The following MAP4K3 variants were observed in gnomAD, a reference collection of about 807,000 sequenced individuals.
MAP4K3 encodes the protein mitogen-activated protein kinase kinase kinase kinase 3.
A neutral mutation model predicts 143.5 loss-of-function variants in MAP4K3; 94 were observed. That is an observed-to-expected ratio of 0.65 (90% CI 0.55 to 0.78). The LOEUF is 0.78. Among genes scored for constraint, MAP4K3 ranks in the 30% least tolerant of loss-of-function variants. MAP4K3 has a pLI of 0.00. For synonymous variants in MAP4K3, 416 were observed against 347.2 expected (o/e 1.20, Z -2.20); for missense variants, 1,077 against 1,068.1 (o/e 1.01, Z -0.12).
chr2:39,421,680 C>G (rs1304074152), intron 1 of MAP4K3, among the ~76,000 whole-genome samples: 1 of 152,184 alleles, frequency 6.6e-6, no homozygotes, highest in African/African-American at 2.4e-5. Context: ...ATGGCATCTG[C>G]TATGATTATA....
At chr2:39,311,683 T>C (rs1682942316) in intron 13 of MAP4K3, among the ~76,000 whole-genome samples, 1 of 152,194 alleles carries the variant, frequency 6.6e-6, no homozygotes, top group Non-Finnish European at 1.5e-5. Context: ...GGCCAATAGT[T>C]ACGTGAATGA....
At chr2:39,366,147 T>C (rs1161305398) in intron 2 of MAP4K3, among the ~76,000 whole-genome samples, 1 of 152,056 alleles carries the variant, frequency 6.6e-6, no homozygotes, top group Non-Finnish European at 1.5e-5. Flanking sequence ...TGAGAACATA[T>C]GCCCAAGGTG....
intron 17 of MAP4K3, among the ~76,000 whole-genome samples, 177 bp from the exon 18 acceptor site, chr2:39,293,003 G>A (rs1389642831): frequency 1.3e-5 from 2 of 152,234 alleles, no homozygotes; most frequent in East Asian, 1.9e-4. Context: ...CGTGATGTCC[G>A]TTACTAGGGA....
intron 2 of MAP4K3, among the ~76,000 whole-genome samples, chr2:39,369,196 T>TTTTTGTTTG (rs1294983253): frequency 1.2e-3 from 65 of 52,690 alleles, no homozygotes; most frequent in African/African-American, 3.4e-3. Context: ...TGGGCTAGTT[T>TTTTTGTTTG]TTTTTTTTGT....
chr2:39,315,621 C>A, intron 12 of MAP4K3: 1 of 458,038 alleles, frequency 2.2e-6, no homozygotes, highest in Non-Finnish European at 3.9e-6. Context: ...CTAGAAAGGG[C>A]ACTTCTTTGG....
intron 28 of MAP4K3, among the ~76,000 whole-genome samples, chr2:39,262,562 T>TAA (rs202195339): frequency 6.6e-6 from 1 of 151,344 alleles, no homozygotes; most frequent in Non-Finnish European, 1.5e-5. Context: ...AACAACGCTT[T>TAA]AAAAAAAAAC....
chr2:39,368,429 G>T (rs1214215638), intron 2 of MAP4K3, among the ~76,000 whole-genome samples: 1 of 152,084 alleles, frequency 6.6e-6, no homozygotes, highest in Admixed American at 6.5e-5. Flanking sequence ...AACATTGGGA[G>T]GCCAAGGCAG....
intron 31 of MAP4K3, among the ~76,000 whole-genome samples, chr2:39,257,976 G>T (rs1167591969): frequency 6.6e-6 from 1 of 152,010 alleles, no homozygotes. Flanking sequence ...TCCTCACCCA[G>T]GCTGGAGTGC....
At chr2:39,427,331 G>GA (rs1366348315) in intron 1 of MAP4K3, among the ~76,000 whole-genome samples, 1 of 151,340 alleles carries the variant, frequency 6.6e-6, no homozygotes, top group African/African-American at 2.4e-5. Context: ...TTAAAAGAAA[G>GA]AAAAAAAATC....
chr2:39,357,107 C>T (rs1405677068), intron 2 of MAP4K3, among the ~76,000 whole-genome samples: 1 of 152,222 alleles, frequency 6.6e-6, no homozygotes, highest in East Asian at 1.9e-4. Flanking sequence ...AATAATCTCT[C>T]TCCTACTGCC....
At chr2:39,429,351 T>C (rs1665209710) in intron 1 of MAP4K3, among the ~76,000 whole-genome samples, 2 of 152,204 alleles carry the variant, frequency 1.3e-5, no homozygotes, top group Non-Finnish European at 2.9e-5. Context: ...ATCATATTCA[T>C]AGATCAGAAG....
At chr2:39,292,176 T>C (rs1439995648) in intron 18 of MAP4K3, among the ~76,000 whole-genome samples, 1 of 152,214 alleles carries the variant, frequency 6.6e-6, no homozygotes, top group Non-Finnish European at 1.5e-5. Context: ...ATAAGCTTCT[T>C]TGTAGTTGTA....
intron 1 of MAP4K3, among the ~76,000 whole-genome samples, chr2:39,428,117 T>C (rs1665156207): frequency 6.6e-6 from 1 of 152,224 alleles, no homozygotes; most frequent in Admixed American, 6.5e-5. Flanking sequence ...TTCTTCTAAT[T>C]GTTAAAATAG....
At chr2:39,392,269 A>T (rs887824610) in intron 1 of MAP4K3, among the ~76,000 whole-genome samples, 1 of 151,620 alleles carries the variant, frequency 6.6e-6, no homozygotes, top group Non-Finnish European at 1.5e-5. Context: ...TCCCTGGGGA[A>T]TGAAGACTAA....
intron 2 of MAP4K3, among the ~76,000 whole-genome samples, 182 bp from the exon 3 acceptor site, chr2:39,356,521 G>A (rs956929047): frequency 1.3e-5 from 2 of 152,192 alleles, no homozygotes; most frequent in Non-Finnish European, 2.9e-5. Context: ...CCTGACTTGA[G>A]AGAAAATATA....
intron 27 of MAP4K3, among the ~76,000 whole-genome samples, chr2:39,266,417 A>G (rs914565926): frequency 2.0e-5 from 3 of 152,196 alleles, no homozygotes; most frequent in African/African-American, 7.2e-5. Flanking sequence ...CCAATGGCTC[A>G]CACTCATCTG....
intron 31 of MAP4K3, among the ~76,000 whole-genome samples, chr2:39,254,767 A>G (rs1049353746): frequency 3.3e-5 from 5 of 152,172 alleles, no homozygotes; most frequent in Non-Finnish European, 5.9e-5. Context: ...TCTAGTAGAA[A>G]TGGGTTTTTA....
rs1339230767 is a variant in MAP4K3 at position 39,293,192 on chromosome 2, G to A, written c.1217+38C>T. On this transcript the variant is annotated intron_variant, in intron 17 of 33. Transcript: ENST00000263881. ...GAAGGCAAACTGACTTTACTTGTCT[G>A]TGACATAAAGTACTTTAAGATTAAA... 4.0e-5 allele frequency: 57 copies of A among 1,424,016 alleles called. 1 individual carries two copies. The East Asian group carries it at 1.3e-3, about 34-fold the overall frequency. The allele number at this position is 1,424,016 out of a possible 1,614,324, so 88.2% of individuals were successfully genotyped here. A position where few individuals can be genotyped will look rare whatever the true frequency, so the allele number is the denominator to read the frequency against.
intron 27 of MAP4K3, 127 bp downstream of exon 27, chr2:39,267,062 A>G: frequency 1.2e-6 from 1 of 826,692 alleles, no homozygotes; most frequent in South Asian, 1.5e-5. Flanking sequence ...GAAACAGCCA[A>G]GAAATTTGTT....
Sources: allele counts gnomAD v4.1 joint callset (sites outside exome capture counted in the v4.1 genomes callset), GRCh38; gene constraint gnomAD v4.1.1; transcripts MANE v1.5; gene names NCBI Gene and HGNC (gene_info 2026-07-23, HGNC 2026-07-21).